Variants in TSPEAR observed in about 807,000 individuals in gnomAD.
TSPEAR encodes thrombospondin-type laminin G domain and EAR repeat-containing protein.
A neutral mutation model predicts 71.6 loss-of-function variants in TSPEAR; 69 were observed. That is an observed-to-expected ratio of 0.96 (90% CI 0.79 to 1.18). The LOEUF is 1.18. Ranked by LOEUF, TSPEAR falls within the 50% of genes most tolerant of loss-of-function variation. TSPEAR has a pLI of 0.00. For synonymous variants in TSPEAR, 402 were observed against 387.2 expected (o/e 1.04, Z -0.45); for missense variants, 971 against 894.9 (o/e 1.09, Z -1.09).
chr21:44,689,924 C>T (rs1987056204), intron 1 of TSPEAR, among the ~76,000 whole-genome samples: 1 of 151,410 alleles, frequency 6.6e-6, no homozygotes, highest in South Asian at 2.1e-4. Context: ...AGGCCAGTCT[C>T]GCCTCTTCAC....
intron 1 of TSPEAR, among the ~76,000 whole-genome samples, chr21:44,636,490 T>C (rs1555936703): frequency 6.6e-6 from 1 of 152,196 alleles, no homozygotes; most frequent in East Asian, 1.9e-4. Context: ...GACAATGATG[T>C]CACCTACAGA....
chr21:44,666,483 C>A, intron 1 of TSPEAR: 1 of 1,605,052 alleles, frequency 6.2e-7, no homozygotes, highest in Non-Finnish European at 8.5e-7. Context: ...GATGGGTCTG[C>A]AGAGGACGCT....
In TSPEAR at chr21:44,546,696, G is replaced by A. The variant is rs191372631; in HGVS notation, c.304-12773C>T. Among the ~76,000 whole-genome samples, 4 of 152,264 alleles carry A rather than the reference G, an allele frequency of 2.6e-5. No homozygotes were observed. The highest frequency in any genetic ancestry group is 2.1e-4 in the South Asian group (1 of 4,816). On this transcript the variant is annotated intron_variant, in intron 2 of 11. Transcript: ENST00000323084. This position sits in a 1 kb window ranked among gnomAD's most constrained non-coding sequence, Gnocchi z 4.4. Reference sequence around the variant, plus strand: ...TTTTTGGTTGTTGGTTTCCCCTGCCGCTGTACCCCAAGCCAGCATGTGAAA... The same window carrying A: ...TTTTTGGTTGTTGGTTTCCCCTGCCACTGTACCCCAAGCCAGCATGTGAAA...
intron 1 of TSPEAR, among the ~76,000 whole-genome samples, chr21:44,635,345 C>CAAAAAAAAA (rs56054652): frequency 3.6e-5 from 3 of 83,904 alleles, no homozygotes; most frequent in African/African-American, 1.5e-4. Context: ...GACTCTGTCT[C>CAAAAAAAAA]AAAAAAAAAA....
chr21:44,704,244 A>ACCCC (rs1219564128), intron 1 of TSPEAR, among the ~76,000 whole-genome samples: 2 of 113,340 alleles, frequency 1.8e-5, no homozygotes, highest in Middle Eastern at 4.6e-3. Flanking sequence ...TTCCCTGGGT[A>ACCCC]CCCCACCCCC....
At chr21:44,574,102 G>C in intron 1 of TSPEAR, 2 of 1,596,906 alleles carry the variant, frequency 1.3e-6, no homozygotes, top group Non-Finnish European at 1.7e-6. Context: ...CCCGTCTGCT[G>C]CAAGACTGTC....
intron 1 of TSPEAR, among the ~76,000 whole-genome samples, chr21:44,639,809 TC>T (rs1555938161): frequency 2.0e-5 from 3 of 151,380 alleles, no homozygotes; most frequent in African/African-American, 7.3e-5. Flanking sequence ...TTTGCCATTG[TC>T]CCCACCTTCC....
At chr21:44,594,830 T>C (rs1235329562) in intron 1 of TSPEAR, among the ~76,000 whole-genome samples, 1 of 149,426 alleles carries the variant, frequency 6.7e-6, no homozygotes, top group Non-Finnish European at 1.5e-5. Flanking sequence ...TGATTTTTTT[T>C]TTTTTTTTTT....
chr21:44,664,873 C>G (rs184624168), intron 1 of TSPEAR, among the ~76,000 whole-genome samples: 3 of 152,334 alleles, frequency 2.0e-5, no homozygotes, highest in Admixed American at 2.0e-4. Flanking sequence ...CTCCAGAGGG[C>G]GGGGGCTGAG....
chr21:44,694,525 C>A (rs542667302), intron 1 of TSPEAR, among the ~76,000 whole-genome samples: 1 of 152,178 alleles, frequency 6.6e-6, no homozygotes, highest in Admixed American at 6.5e-5. Context: ...ATGTACTTAA[C>A]CCACAGAATT....
intron 1 of TSPEAR, among the ~76,000 whole-genome samples, chr21:44,581,458 G>A (rs1044539192): frequency 6.6e-6 from 1 of 152,250 alleles, no homozygotes; most frequent in South Asian, 2.1e-4. Flanking sequence ...ATGAACCTGT[G>A]TCACCATTTT....
intron 6 of TSPEAR, among the ~76,000 whole-genome samples, chr21:44,527,874 G>C (rs1555915172): frequency 6.6e-6 from 1 of 152,186 alleles, no homozygotes; most frequent in African/African-American, 2.4e-5. Flanking sequence ...CGGGTAACCT[G>C]TCTGGAGCAT....
chr21:44,547,923 G>A (rs868934863), intron 2 of TSPEAR, among the ~76,000 whole-genome samples: 5 of 152,186 alleles, frequency 3.3e-5, no homozygotes, highest in South Asian at 2.1e-4. Flanking sequence ...ATGGGCATGC[G>A]TGGGGGCCTT....
chr21:44,511,871 G>C (rs2145929038), intron 9 of TSPEAR, among the ~76,000 whole-genome samples: 2 of 152,372 alleles, frequency 1.3e-5, no homozygotes, highest in South Asian at 4.1e-4. Context: ...ACTGTGTAGA[G>C]AGAGCTTTAC....
chr21:44,594,172 G>A (rs1035707321), intron 1 of TSPEAR, among the ~76,000 whole-genome samples: 2 of 152,230 alleles, frequency 1.3e-5, no homozygotes, highest in East Asian at 3.8e-4. Context: ...AAGCCACACA[G>A]TACAGACATC....
At chr21:44,624,336 C>G (rs1393682346) in intron 1 of TSPEAR, among the ~76,000 whole-genome samples, 5 of 152,186 alleles carry the variant, frequency 3.3e-5, no homozygotes, top group African/African-American at 1.2e-4. Context: ...ATTTTAAATT[C>G]CAGTTTGACA....
At chr21:44,557,726 A>G (rs1202365641) in intron 2 of TSPEAR, 2 of 371,672 alleles carry the variant, frequency 5.4e-6, no homozygotes, top group African/African-American at 4.1e-5. Flanking sequence ...CGAAGCTCCC[A>G]CCCCACGCGG....
intron 1 of TSPEAR, among the ~76,000 whole-genome samples, chr21:44,694,658 TAAA>T (rs1987254200): frequency 1.3e-5 from 2 of 152,268 alleles, no homozygotes; most frequent in Non-Finnish European, 2.9e-5. Context: ...AAAACATTTT[TAAA>T]GGCAGTCAAA....
chr21:44,699,415 AG>A (rs1569267202), intron 1 of TSPEAR, among the ~76,000 whole-genome samples: 1 of 150,598 alleles, frequency 6.6e-6, no homozygotes, highest in Non-Finnish European at 1.5e-5. Context: ...GGGAAAGAAA[AG>A]GGGTGCAGCC....
Sources: gnomAD v4.1 joint callset for allele counts (sites outside exome capture counted in the v4.1 genomes callset) on GRCh38, gnomAD v4.1.1 for gene constraint, Gnocchi (gnomAD v3.1) non-coding constraint, MANE v1.5 for transcripts, NCBI Gene and HGNC (gene_info 2026-07-23, HGNC 2026-07-21) for gene names.